PIK3CB: variants seen among roughly 807,000 people sequenced by gnomAD.
The protein encoded by PIK3CB is phosphatidylinositol 4,5-bisphosphate 3-kinase catalytic subunit beta isoform.
Under a neutral mutation model 136.8 loss-of-function variants are expected in PIK3CB, and 39 were observed. The observed-to-expected ratio is 0.29, with a 90% CI of 0.22 to 0.37. The LOEUF is 0.37. PIK3CB is among the 10% of genes least tolerant of loss of function. PIK3CB has a pLI of 1.00. For missense variants in PIK3CB, 868 were observed against 1,275.4 expected (o/e 0.68, Z 4.87); for synonymous variants, 428 against 436.6 (o/e 0.98, Z 0.25).
rs570861655 is a variant in PIK3CB, at chr3:138,655,233, T to A, written c.*156A>T. ...AGGGAATCATCGGGGATTGTTCAGA[T>A]TAGGTTCTGTGGGATGCCTTGTTCT... On this transcript the variant is annotated 3_prime_UTR_variant, in exon 24 of 24. Coordinates refer to ENST00000674063, the MANE Select transcript of PIK3CB (RefSeq NM_006219.3). The A allele has an allele frequency of 3.0e-6, 2 of 673,808 alleles. No individual in the cohort carries two copies. Among genetic ancestry groups the A allele is most frequent in the East Asian group, 5.4e-5 (2 of 37,154 alleles). The allele number at this position is 673,808 out of a possible 1,614,324, so 41.7% of individuals were successfully genotyped here.
At chr3:138,693,966 T>TATATATATATATATATATATATATA (rs1457395869) in intron 14 of PIK3CB, among the ~76,000 whole-genome samples, 5 of 42,402 alleles carry the variant, frequency 1.2e-4, no homozygotes, top group Non-Finnish European at 1.4e-4. Flanking sequence ...TATATATATA[T>TATATATATATATATATATATATATA]TATATATATA....
At chr3:138,816,595 AAAATAAAT>A (rs4035076) in intron 1 of PIK3CB, among the ~76,000 whole-genome samples, 8 of 146,464 alleles carry the variant, frequency 5.5e-5, no homozygotes, top group African/African-American at 1.3e-4. Flanking sequence ...AGTTTGTCTC[AAAATAAAT>A]AAATAAATAA....
intron 2 of PIK3CB, among the ~76,000 whole-genome samples, chr3:138,762,763 GC>G (rs2045679583): frequency 1.3e-5 from 2 of 152,098 alleles, no homozygotes; most frequent in African/African-American, 4.8e-5. Flanking sequence ...TTTGAGACCA[GC>G]CTGGGCAACA....
In PIK3CB at chr3:138,698,908, T is replaced by A. The variant is rs749726636; in HGVS notation, c.1769A>T (p.Gln590Leu). ...IKWNKLEDVA[Q>L]LQALLQIWPK... The stretch of plus-strand genomic sequence containing the variant: ...GTTATAGAAACGATCTTTTGTTACC[T>A]GAGCAACATCCTCAAGTTTATTCCA... Residue 590 changes from glutamine to leucine, a missense_variant and splice_region_variant, in exon 13 of 24, where the codon CAG (glutamine) becomes CTG (leucine). Gln to Leu is a moderately radical substitution (Grantham distance 113). Coordinates refer to ENST00000674063, the MANE Select transcript of PIK3CB (RefSeq NM_006219.3). 4 of 1,585,618 alleles carry A rather than the reference T, an allele frequency of 2.5e-6. No homozygotes were observed. Among genetic ancestry groups the A allele is most frequent in the Non-Finnish European group, 3.4e-6 (4 of 1,160,668 alleles).
intron 2 of PIK3CB, among the ~76,000 whole-genome samples, chr3:138,770,901 G>A (rs562373254): frequency 9.9e-5 from 15 of 151,710 alleles, no homozygotes; most frequent in South Asian, 2.1e-4. Flanking sequence ...TAGTAGAGAC[G>A]GGGTTTCACC....
chr3:138,701,360 G>T (rs531554888), intron 12 of PIK3CB, among the ~76,000 whole-genome samples: 109 of 152,048 alleles, frequency 7.2e-4, no homozygotes, highest in Non-Finnish European at 1.2e-3. Flanking sequence ...TGAGAAAACT[G>T]GCTAAATTTG....
intron 1 of PIK3CB, among the ~76,000 whole-genome samples, chr3:138,804,155 A>T (rs554758781): frequency 1.6e-4 from 25 of 152,026 alleles, no homozygotes; most frequent in South Asian, 6.2e-4. Flanking sequence ...AAAATTTTTT[A>T]AAAAAAGAAG....
rs3729775 is a variant in PIK3CB at position 138,711,964 on chromosome 3, T to C, written c.1399+244A>G. 4.2e-3 allele frequency among the ~76,000 whole-genome samples: 636 copies of C among 151,570 alleles called. 3 individuals carry two copies. Among genetic ancestry groups the C allele is most frequent in the African/African-American group, 0.014 (581 of 41,412 alleles). ...GTCTCGACAAAATAAAAAAAAATAA[T>C]AAATAATAAAATAAAATATAGGCCG... On this transcript the variant is annotated intron_variant, in intron 10 of 23. Transcript: ENST00000674063.
chr3:138,712,969 G>A (rs2044536047), intron 9 of PIK3CB, among the ~76,000 whole-genome samples: 1 of 152,120 alleles, frequency 6.6e-6, no homozygotes, highest in African/African-American at 2.4e-5. Context: ...AGGAGATAAT[G>A]TCTCTAGGCA....
At chr3:138,659,151 G>GACT (rs1401487730) in intron 21 of PIK3CB, among the ~76,000 whole-genome samples, 3 of 152,068 alleles carry the variant, frequency 2.0e-5, no homozygotes, top group Non-Finnish European at 4.4e-5. Flanking sequence ...CTATCCACTG[G>GACT]ACTACCCCAC....
chr3:138,669,186 C>G (rs545872219), intron 19 of PIK3CB, among the ~76,000 whole-genome samples: 1 of 152,024 alleles, frequency 6.6e-6, no homozygotes, highest in Non-Finnish European at 1.5e-5. Flanking sequence ...CCAAGGTGGG[C>G]GGACTGCTTG....
At chr3:138,719,191 A>G (rs1348531132) in intron 8 of PIK3CB, among the ~76,000 whole-genome samples, 1 of 150,772 alleles carries the variant, frequency 6.6e-6, no homozygotes, top group Non-Finnish European at 1.5e-5. Flanking sequence ...CTTATATGCT[A>G]TAAACAAAGT....
At position 138,657,980 on chromosome 3, in the gene PIK3CB, G is replaced by A. The variant is rs1233703033; in HGVS notation, c.2797-145C>T. On this transcript the variant is annotated intron_variant, in intron 21 of 23. Transcript: ENST00000674063. ...CCTCTGTTTATAGCCCACTGAGCCA[G>A]GTGAGAAGAGACCATATCTAACACT... 2.4e-5 allele frequency: 15 copies of A among 637,988 alleles called. No individual in the cohort carries two copies. The South Asian group carries it at 2.9e-4, about 12-fold the overall frequency. The allele number at this position is 637,988 out of a possible 1,614,324, so 39.5% of individuals were successfully genotyped here.
At chr3:138,743,089 C>T (rs567699735) in intron 4 of PIK3CB, among the ~76,000 whole-genome samples, 138 of 152,202 alleles carry the variant, frequency 9.1e-4, no homozygotes, top group African/African-American at 3.1e-3. Context: ...TAAAGCCACA[C>T]ATAAAAGATT....
At chr3:138,746,722 C>T (rs370870718) in intron 4 of PIK3CB, among the ~76,000 whole-genome samples, 15 of 151,564 alleles carry the variant, frequency 9.9e-5, no homozygotes, top group African/African-American at 3.4e-4. Flanking sequence ...GTCAAACCAT[C>T]CTTTGCTAGC....
At chr3:138,711,901 G>A (rs115640306) in intron 10 of PIK3CB, among the ~76,000 whole-genome samples, 1,708 of 151,900 alleles carry the variant, frequency 0.011, 16 homozygotes, top group Non-Finnish European at 0.017. Flanking sequence ...TTGAGGCCAG[G>A]AGTTTTGAGA....
At chr3:138,662,075 G>C (rs2043305366) in intron 21 of PIK3CB, among the ~76,000 whole-genome samples, 3 of 150,664 alleles carry the variant, frequency 2.0e-5, no homozygotes, top group African/African-American at 7.3e-5. Flanking sequence ...TAACTCAAGT[G>C]GGGTTCATCC....
intron 8 of PIK3CB, among the ~76,000 whole-genome samples, chr3:138,716,293 G>A (rs945179286): frequency 1.3e-5 from 2 of 152,096 alleles, no homozygotes; most frequent in East Asian, 1.9e-4. Context: ...CCCAAGTACT[G>A]AGATGTTACT....
At chr3:138,816,394 G>C (rs530410989) in intron 1 of PIK3CB, among the ~76,000 whole-genome samples, 45 of 152,088 alleles carry the variant, frequency 3.0e-4, no homozygotes, top group African/African-American at 1.1e-3. Context: ...AAGAGTTTGA[G>C]ACCAGCCTGG....
Sources: gnomAD v4.1 joint callset for allele counts (sites outside exome capture counted in the v4.1 genomes callset) on GRCh38, gnomAD v4.1.1 for gene constraint, MANE v1.5 for transcripts, NCBI Gene and HGNC (gene_info 2026-07-23, HGNC 2026-07-21) for gene names.